Variants in CLVS1 observed in about 807,000 individuals in gnomAD.
CLVS1 encodes clavesin 1.
CLVS1 carries 10 observed loss-of-function variants against 33.1 expected under a neutral mutation model. The ratio of observed to expected loss-of-function variants is 0.30; its 90% confidence interval spans 0.19 to 0.51. The LOEUF (loss-of-function observed/expected upper bound fraction) is 0.51. Among genes scored for constraint, CLVS1 ranks in the 20% least tolerant of loss-of-function variants. CLVS1 has a pLI of 0.97. For missense variants in CLVS1, 343 were observed against 433.4 expected, an observed-to-expected ratio of 0.79 and a Z score of 1.85; for synonymous variants, 163 against 166.1, an observed-to-expected ratio of 0.98 and a Z score of 0.14.
At chr8:61,313,907 G>A (rs908234258) in intron 2 of CLVS1, among the ~76,000 whole-genome samples, 4 of 152,160 alleles carry the variant, frequency 2.6e-5, no homozygotes, top group Non-Finnish European at 5.9e-5. Flanking sequence ...AGCAGTGGGA[G>A]CAAGGGCACC....
the CLVS1 span, among the ~76,000 whole-genome samples, chr8:61,031,061 G>A: frequency 2.6e-5 from 4 of 152,326 alleles, no homozygotes; most frequent in African/African-American, 7.2e-5. Flanking sequence ...GAAGCTCTGG[G>A]CAACTGAGTA....
intron 1 of CLVS1, among the ~76,000 whole-genome samples, chr8:61,061,577 G>T (rs1804584280): frequency 6.6e-6 from 1 of 152,068 alleles, no homozygotes; most frequent in South Asian, 2.1e-4. Flanking sequence ...GGCCCACACA[G>T]AAATAAGAAC....
chr8:61,435,849 C>T (rs998654719), intron 3 of CLVS1, among the ~76,000 whole-genome samples: 5 of 152,084 alleles, frequency 3.3e-5, no homozygotes, highest in Non-Finnish European at 7.4e-5. Context: ...TTAATAATTA[C>T]TCAGGATTGG....
intron 2 of CLVS1, chr8:61,300,625 G>C (rs1445535536): frequency 5.2e-6 from 1 of 192,780 alleles, no homozygotes; most frequent in Non-Finnish European, 1.1e-5. Context: ...GGAGTTAGTA[G>C]ATGGCTTAAT....
intron 1 of CLVS1, among the ~76,000 whole-genome samples, chr8:61,116,686 T>A (rs962973709): frequency 2.7e-5 from 4 of 149,226 alleles, no homozygotes; most frequent in African/African-American, 7.5e-5. Flanking sequence ...GTTGTAGATA[T>A]GCGGCGTTAT....
At chr8:61,038,164 C>A in the CLVS1 span, among the ~76,000 whole-genome samples, 1 of 152,142 alleles carries the variant, frequency 6.6e-6, no homozygotes, top group Non-Finnish European at 1.5e-5. Flanking sequence ...ATGAATCAAG[C>A]ATAAAGTTGC....
intron 1 of CLVS1, among the ~76,000 whole-genome samples, chr8:61,124,057 A>C (rs536014232): frequency 1.3e-5 from 2 of 152,330 alleles, no homozygotes; most frequent in Admixed American, 1.3e-4. Context: ...AAATTTATCT[A>C]TCTTAAAAAA....
At chr8:61,309,043 T>G (rs1017202134) in intron 2 of CLVS1, among the ~76,000 whole-genome samples, 2 of 152,146 alleles carry the variant, frequency 1.3e-5, no homozygotes, top group Non-Finnish European at 2.9e-5. Flanking sequence ...AGCCAAGAGG[T>G]AGAGGGTGGC....
chr8:61,437,080 T>C (rs1037618708), intron 3 of CLVS1, among the ~76,000 whole-genome samples: 2 of 152,282 alleles, frequency 1.3e-5, no homozygotes, highest in East Asian at 1.9e-4. Context: ...TCTATCAAGG[T>C]AAGTTTAGAC....
chr8:61,366,493 T>C (rs772103975), intron 2 of CLVS1, among the ~76,000 whole-genome samples: 13 of 152,222 alleles, frequency 8.5e-5, no homozygotes, highest in Non-Finnish European at 1.8e-4. Flanking sequence ...TTGTTCTCTA[T>C]AAGCATGAGT....
At chr8:61,339,982 G>C (rs1163980944) in intron 2 of CLVS1, among the ~76,000 whole-genome samples, 4 of 143,504 alleles carry the variant, frequency 2.8e-5, no homozygotes, top group Non-Finnish European at 6.1e-5. Flanking sequence ...GAGAAAGAAA[G>C]TGAAAAAGAG....
chr8:61,158,663 A>C (rs12545360), intron 2 of CLVS1, among the ~76,000 whole-genome samples: 26,714 of 151,828 alleles, frequency 0.18, 2,476 homozygotes, highest in Admixed American at 0.26. Flanking sequence ...ACTAGGAGTG[A>C]GGGTAGGGTC....
intron 2 of CLVS1, among the ~76,000 whole-genome samples, chr8:61,230,551 C>A (rs1808410948): frequency 6.6e-6 from 1 of 152,170 alleles, no homozygotes; most frequent in African/African-American, 2.4e-5. Flanking sequence ...TATAATTATT[C>A]AAGTCTAAAG....
intron 3 of CLVS1, among the ~76,000 whole-genome samples, chr8:61,398,370 C>T (rs961809002): frequency 2.0e-5 from 3 of 151,716 alleles, no homozygotes; most frequent in African/African-American, 7.3e-5. Context: ...TTGGTAGAGA[C>T]CGGGTTTCAC....
intron 5 of CLVS1, among the ~76,000 whole-genome samples, chr8:61,462,210 G>A (rs866098031): frequency 3.2e-4 from 48 of 152,302 alleles, no homozygotes; most frequent in Middle Eastern, 3.4e-3. Context: ...CCAAAGTCCT[G>A]TTAATGTGGA....
chr8:61,134,158 A>T (rs1484635977), intron 2 of CLVS1, among the ~76,000 whole-genome samples: 1 of 152,200 alleles, frequency 6.6e-6, no homozygotes, highest in African/African-American at 2.4e-5. Context: ...CACAGTCAGC[A>T]AACAGAGAGA....
chr8:61,120,955 G>A (rs1805849884), intron 1 of CLVS1, among the ~76,000 whole-genome samples: 3 of 148,050 alleles, frequency 2.0e-5, no homozygotes, highest in Non-Finnish European at 4.5e-5. Flanking sequence ...GGCAATGGCG[G>A]GTGCCCCTCC....
chr8:61,357,860 G>A (rs555455691), intron 2 of CLVS1, among the ~76,000 whole-genome samples: 28 of 151,988 alleles, frequency 1.8e-4, no homozygotes, highest in Non-Finnish European at 2.9e-4. Context: ...CCTGGCCACC[G>A]GGACATTTTC....
intron 1 of CLVS1, among the ~76,000 whole-genome samples, chr8:61,113,436 G>A (rs1805664966): frequency 6.6e-6 from 1 of 152,154 alleles, no homozygotes; most frequent in African/African-American, 2.4e-5. Context: ...TACCAACCTA[G>A]TTACTTTTGA....
Sources: gnomAD v4.1 joint callset for allele counts (sites outside exome capture counted in the v4.1 genomes callset) on GRCh38, gnomAD v4.1.1 for gene constraint, MANE v1.5 for transcripts, NCBI Gene and HGNC (gene_info 2026-07-23, HGNC 2026-07-21) for gene names.